GLIS3: variants seen among roughly 807,000 people sequenced by gnomAD.
GLIS3 encodes the protein GLIS family zinc finger 3, also known as zinc finger protein GLIS3.
Under a neutral mutation model 78.6 loss-of-function variants are expected in GLIS3, and 53 were observed. That is an observed-to-expected ratio of 0.67 (90% CI 0.54 to 0.85). GLIS3 has a LOEUF of 0.85. Among genes scored for constraint, GLIS3 ranks in the 40% least tolerant of loss-of-function variants. The probability of loss-of-function intolerance (pLI) is 0.00; values close to 1 mark genes in which losing one functional copy is unlikely to be tolerated. For synonymous variants in GLIS3, 684 were observed against 509.9 expected (o/e 1.34, Z -4.60); for missense variants, 1,703 against 1,231.1 (o/e 1.38, Z -5.74).
At chr9:4,131,626 T>C (rs1440247114) in intron 2 of GLIS3, among the ~76,000 whole-genome samples, 1 of 152,216 alleles carries the variant, frequency 6.6e-6, no homozygotes, top group Non-Finnish European at 1.5e-5. Flanking sequence ...CTTTCTGCCA[T>C]CATTGAAAGT....
At chr9:4,454,363 C>G in the GLIS3 span, among the ~76,000 whole-genome samples, 139 of 152,238 alleles carry the variant, frequency 9.1e-4, no homozygotes, top group Admixed American at 2.5e-3. Flanking sequence ...GAACTGATGT[C>G]AAAATCAGAT....
chr9:4,286,626 C>G (rs190991917), intron 1 of GLIS3, 103 bp from the exon 2 acceptor site: 149 of 651,744 alleles, frequency 2.3e-4, no homozygotes, highest in Non-Finnish European at 3.3e-4. Context: ...AAAAGCAGCA[C>G]TCTTAGCAAG....
intron 2 of GLIS3, among the ~76,000 whole-genome samples, chr9:4,264,058 T>C (rs928217581): frequency 3.3e-5 from 5 of 152,206 alleles, no homozygotes; most frequent in African/African-American, 1.2e-4. Context: ...TCCAACCATG[T>C]ACCCAACATC....
At chr9:4,113,587 G>C (rs748541079) in intron 4 of GLIS3, among the ~76,000 whole-genome samples, 3 of 152,150 alleles carry the variant, frequency 2.0e-5, no homozygotes, top group African/African-American at 4.8e-5. Context: ...AGGTCCCTCT[G>C]GTCATAGACC....
chr9:4,107,068 T>C (rs888230877), intron 4 of GLIS3, among the ~76,000 whole-genome samples: 1 of 152,106 alleles, frequency 6.6e-6, no homozygotes, highest in Non-Finnish European at 1.5e-5. Flanking sequence ...AAGCAAGTTA[T>C]AGGAGCCAGC....
intron 4 of GLIS3, among the ~76,000 whole-genome samples, chr9:3,939,228 T>A (rs533884131): frequency 2.6e-5 from 4 of 152,322 alleles, no homozygotes; most frequent in East Asian, 1.9e-4. Flanking sequence ...AGCACCAGGA[T>A]GAGAGCGGAG....
intron 4 of GLIS3, among the ~76,000 whole-genome samples, chr9:3,993,960 G>A (rs907355948): frequency 6.6e-6 from 1 of 152,150 alleles, no homozygotes; most frequent in Non-Finnish European, 1.5e-5. Context: ...CTTCCCAGGA[G>A]CAGTCATTTC....
intron 2 of GLIS3, among the ~76,000 whole-genome samples, chr9:4,148,724 TA>T (rs1282353166): frequency 6.6e-6 from 1 of 152,000 alleles, no homozygotes; most frequent in African/African-American, 2.4e-5. Flanking sequence ...TTTGCACAGG[TA>T]GGTGGAGAGA....
intron 4 of GLIS3, among the ~76,000 whole-genome samples, chr9:4,055,424 T>C (rs984205175): frequency 2.6e-4 from 39 of 152,278 alleles, no homozygotes; most frequent in African/African-American, 9.1e-4. Context: ...TCTTTCCATA[T>C]GCCAAGTTCA....
intron 2 of GLIS3, among the ~76,000 whole-genome samples, chr9:4,310,731 C>T (rs908210315): frequency 6.6e-6 from 1 of 152,104 alleles, no homozygotes; most frequent in Non-Finnish European, 1.5e-5. Context: ...CAGGATTACC[C>T]GCTCTTGGGT....
At chr9:4,402,057 G>T in the GLIS3 span, among the ~76,000 whole-genome samples, 1 of 152,240 alleles carries the variant, frequency 6.6e-6, no homozygotes, top group Admixed American at 6.5e-5. Flanking sequence ...CAGGGCCTAG[G>T]GGAACTCACC....
intron 8 of GLIS3, among the ~76,000 whole-genome samples, chr9:3,867,276 G>A (rs189640519): frequency 8.0e-4 from 121 of 152,106 alleles, no homozygotes; most frequent in Middle Eastern, 3.4e-3. Context: ...CTTTTCTTCC[G>A]GAGCCATTCA....
intron 4 of GLIS3, among the ~76,000 whole-genome samples, chr9:4,064,414 C>T (rs1294946712): frequency 6.6e-6 from 1 of 152,120 alleles, no homozygotes; most frequent in Admixed American, 6.5e-5. Context: ...CAACAAAGCA[C>T]AGAAATGATA....
intron 4 of GLIS3, among the ~76,000 whole-genome samples, chr9:3,943,031 A>G (rs1293180211): frequency 6.6e-6 from 1 of 151,974 alleles, no homozygotes; most frequent in Non-Finnish European, 1.5e-5. Context: ...GAAAGGTCAG[A>G]AAAAAAGGAC....
At chr9:3,974,927 A>C (rs1043231667) in intron 4 of GLIS3, among the ~76,000 whole-genome samples, 20 of 152,082 alleles carry the variant, frequency 1.3e-4, no homozygotes, top group African/African-American at 4.8e-4. Context: ...TAAAAAGAAA[A>C]AGAAAGGTGA....
intron 8 of GLIS3, among the ~76,000 whole-genome samples, chr9:3,866,122 C>T (rs1820563083): frequency 6.6e-6 from 1 of 152,192 alleles, no homozygotes; most frequent in African/African-American, 2.4e-5. Flanking sequence ...TTCTTGCTTC[C>T]ATCCACATTC....
At chr9:4,173,400 A>AACCGTGC (rs1195570131) in intron 2 of GLIS3, among the ~76,000 whole-genome samples, 1 of 152,120 alleles carries the variant, frequency 6.6e-6, no homozygotes, top group African/African-American at 2.4e-5. Flanking sequence ...CCTATTTATT[A>AACCGTGC]ACCGTGCCAC....
chr9:4,338,876 G>A (rs1194151989), intron 2 of GLIS3, among the ~76,000 whole-genome samples: 4 of 152,100 alleles, frequency 2.6e-5, no homozygotes, highest in Admixed American at 6.5e-5. Context: ...TGAGTCTTGG[G>A]ATTTTTTTTA....
chr9:4,270,887 T>A (rs1826437355), intron 2 of GLIS3, among the ~76,000 whole-genome samples: 1 of 128,864 alleles, frequency 7.8e-6, no homozygotes, highest in Admixed American at 8.1e-5. Flanking sequence ...TCAATCTGTG[T>A]GGTGTGTGTG....
Sources: gnomAD v4.1 joint callset for allele counts (sites outside exome capture counted in the v4.1 genomes callset) on GRCh38, gnomAD v4.1.1 for gene constraint, MANE v1.5 for transcripts, NCBI Gene and HGNC (gene_info 2026-07-23, HGNC 2026-07-21) for gene names.